IL1RAPL1: variants seen among roughly 807,000 people sequenced by gnomAD.
IL1RAPL1 encodes interleukin-1 receptor accessory protein-like 1.
A neutral mutation model predicts 48.4 loss-of-function variants in IL1RAPL1; 3 were observed. The ratio of observed to expected loss-of-function variants is 0.06; its 90% CI spans 0.03 to 0.16. The LOEUF is 0.16. Ranked by LOEUF, IL1RAPL1 falls within the 10% of genes least tolerant of loss-of-function variation. The pLI, the probability that IL1RAPL1 is intolerant of heterozygous loss-of-function variation, is 1.00. For synonymous variants in IL1RAPL1, 185 were observed against 187.7 expected, an observed-to-expected ratio of 0.99 and a Z score of 0.12; for missense variants, 349 against 530.6, an observed-to-expected ratio of 0.66 and a Z score of 3.36.
intron 5 of IL1RAPL1, chrX:29,574,381 C>T (rs758058260): frequency 2.8e-5 from 3 of 108,768 alleles, no homozygotes; most frequent in Non-Finnish European, 3.8e-5. Context: ...CAAACCATAA[C>T]TTTCCGTCCC....
rs1933410206 is a variant in IL1RAPL1, at chrX:29,955,864, T to G, written c.*44T>G. 9.8e-7 allele frequency: 1 copy of G among 1,023,785 alleles called. No homozygotes were observed. Among genetic ancestry groups the G allele is most frequent in the African/African-American group, 1.9e-5 (1 of 53,442 alleles). 84.4% of individuals were successfully genotyped at this position (1,023,785 alleles called of 1,213,427 possible). ...CCCGTCCCTGGGAGGTTGAGTGGAA[T>G]CTGCAGTCCAGTGCCTGGAACTAAA... is the stretch of plus-strand genomic sequence containing the variant. On this transcript the variant is annotated 3_prime_UTR_variant, in exon 11 of 11. Transcript: ENST00000378993.
intron 2 of IL1RAPL1, among the ~76,000 whole-genome samples, chrX:28,815,168 T>G (rs1372684173): frequency 2.7e-5 from 3 of 111,018 alleles, no homozygotes; most frequent in Non-Finnish European, 3.8e-5. Context: ...ATAACCTATA[T>G]TATTTTACCT....
At chrX:28,761,472 A>ACAC (rs1936171257) in intron 1 of IL1RAPL1, among the ~76,000 whole-genome samples, 1 of 111,910 alleles carries the variant, frequency 8.9e-6, no homozygotes, top group South Asian at 3.7e-4. Context: ...CCATCATCCT[A>ACAC]AGTGAATTCA....
intron 3 of IL1RAPL1, among the ~76,000 whole-genome samples, chrX:29,315,672 G>A (rs1202960272): frequency 1.8e-5 from 2 of 111,748 alleles, no homozygotes; most frequent in African/African-American, 6.5e-5. Context: ...GCAAAATTCT[G>A]GAAACAAGGA....
chrX:29,059,062 A>C (rs1406665519), intron 2 of IL1RAPL1, among the ~76,000 whole-genome samples: 1 of 112,238 alleles, frequency 8.9e-6, no homozygotes, highest in Non-Finnish European at 1.9e-5. Context: ...CTTGTGAAGG[A>C]ATTTCTCCAG....
rs188980839 is a variant in IL1RAPL1 at position 29,340,116 on chromosome X, C to T, written c.363-56142C>T. Among the ~76,000 whole-genome samples, 330 of 112,127 alleles carry T rather than the reference C, an allele frequency of 2.9e-3. 3 individuals are homozygous for T. Among genetic ancestry groups the T allele is most frequent in the Non-Finnish European group, 3.6e-3 (194 of 53,262 alleles). ...TCTAGTCAATATTCTTTGTTTCCTT[C>T]TGCCTTACTGACAAGAACATACTTT... On this transcript the variant is annotated intron_variant, in intron 3 of 10. Transcript: ENST00000378993.
At chrX:29,509,154 G>T (rs1453023268) in intron 5 of IL1RAPL1, among the ~76,000 whole-genome samples, 2 of 111,876 alleles carry the variant, frequency 1.8e-5, no homozygotes, top group Non-Finnish European at 1.9e-5. Context: ...GATAAGACAA[G>T]TTCAAAATCT....
At chrX:29,162,339 G>A (rs565815815) in intron 2 of IL1RAPL1, among the ~76,000 whole-genome samples, 5 of 110,573 alleles carry the variant, frequency 4.5e-5, no homozygotes, top group East Asian at 2.9e-4. Context: ...AAACCTGCAC[G>A]TTCTGCACAT....
chrX:29,211,972 G>A (rs1296497696), intron 2 of IL1RAPL1, among the ~76,000 whole-genome samples: 1 of 110,334 alleles, frequency 9.1e-6, no homozygotes, highest in Non-Finnish European at 1.9e-5. Flanking sequence ...TACATCTGTG[G>A]CTCAAAGCCT....
intron 2 of IL1RAPL1, among the ~76,000 whole-genome samples, chrX:28,906,025 G>A (rs973586690): frequency 3.6e-5 from 4 of 112,116 alleles, no homozygotes; most frequent in Admixed American, 9.5e-5. Context: ...TGGCTGCGGA[G>A]GCCTCAGGAA....
intron 3 of IL1RAPL1, among the ~76,000 whole-genome samples, chrX:29,329,987 C>G (rs1323066833): frequency 9.0e-6 from 1 of 110,670 alleles, no homozygotes; most frequent in Non-Finnish European, 1.9e-5. Context: ...TACAGGGCTG[C>G]TGCTGGTGGT....
At chrX:29,034,305 T>G (rs1455289934) in intron 2 of IL1RAPL1, among the ~76,000 whole-genome samples, 1 of 112,421 alleles carries the variant, frequency 8.9e-6, no homozygotes, top group Non-Finnish European at 1.9e-5. Flanking sequence ...TAAGTGTTTT[T>G]CAGTTCATAT....
intron 5 of IL1RAPL1, among the ~76,000 whole-genome samples, chrX:29,473,902 T>G (rs1467155535): frequency 1.8e-5 from 2 of 111,660 alleles, no homozygotes; most frequent in Non-Finnish European, 3.8e-5. Flanking sequence ...ATCCAAACAT[T>G]ACTTAAGTAT....
intron 5 of IL1RAPL1, among the ~76,000 whole-genome samples, chrX:29,549,580 C>G (rs1017176690): frequency 9.9e-5 from 11 of 111,306 alleles, no homozygotes; most frequent in African/African-American, 3.6e-4. Context: ...GACTGGGGGT[C>G]TTGGAACATA....
At chrX:29,491,832 G>A (rs1159316606) in intron 5 of IL1RAPL1, among the ~76,000 whole-genome samples, 1 of 110,402 alleles carries the variant, frequency 9.1e-6, no homozygotes, top group Non-Finnish European at 1.9e-5. Context: ...TCTGTATCCT[G>A]TCTATCACCT....
intron 5 of IL1RAPL1, among the ~76,000 whole-genome samples, chrX:29,405,518 C>A (rs1934051430): frequency 1.0e-5 from 1 of 99,415 alleles, no homozygotes; most frequent in African/African-American, 4.7e-5. Context: ...AGGTGCCCGC[C>A]ACTAGGCCCA....
intron 6 of IL1RAPL1, among the ~76,000 whole-genome samples, chrX:29,857,310 A>G (rs1931494890): frequency 1.8e-5 from 2 of 111,433 alleles, no homozygotes; most frequent in South Asian, 7.5e-4. Flanking sequence ...TATCTTTTAG[A>G]TTTCAAATAG....
At position 29,238,475 on chromosome X, in the gene IL1RAPL1, T is replaced by C. The variant is rs1351447011; in HGVS notation, c.83-44463T>C. 3.6e-5 allele frequency among the ~76,000 whole-genome samples: 4 copies of C among 112,050 alleles called. No individual in the cohort carries two copies. The East Asian group carries it at 8.4e-4, about 24-fold the overall frequency. On this transcript the variant is annotated intron_variant, in intron 2 of 10. Coordinates refer to ENST00000378993, the MANE Select transcript of IL1RAPL1 (RefSeq NM_014271.4). ...CATATACCTGTTACCTAGAGTCACA[T>C]TGATACATTTTTGTCATCATGTGAC...
At chrX:29,083,709 A>G (rs1224598380) in intron 2 of IL1RAPL1, among the ~76,000 whole-genome samples, 2 of 112,026 alleles carry the variant, frequency 1.8e-5, no homozygotes, top group Admixed American at 9.5e-5. Context: ...GTCTTAATGA[A>G]TAGCAGTTTC....
Sources: gnomAD v4.1 joint callset for allele counts (sites outside exome capture counted in the v4.1 genomes callset) on GRCh38, gnomAD v4.1.1 for gene constraint, MANE v1.5 for transcripts, NCBI Gene and HGNC (gene_info 2026-07-23, HGNC 2026-07-21) for gene names.